ATP2B4: variants seen among roughly 807,000 people sequenced by gnomAD.
ATP2B4 encodes the protein ATPase plasma membrane Ca2+ transporting 4, also known as plasma membrane calcium-transporting ATPase 4.
Under a neutral mutation model 110.3 loss-of-function variants are expected in ATP2B4, and 39 were observed. That is an observed-to-expected ratio of 0.35 (90% CI 0.27 to 0.46). The LOEUF is 0.46. Ranked by LOEUF, ATP2B4 falls within the 20% of genes least tolerant of loss-of-function variation. ATP2B4 has a pLI of 1.00. For synonymous variants in ATP2B4, 538 were observed against 571.7 expected (o/e 0.94, Z 0.84); for missense variants, 1,135 against 1,530.9 (o/e 0.74, Z 4.32).
intron 1 of ATP2B4, chr1:203,657,512 A>T: frequency 1.3e-6 from 1 of 794,220 alleles, no homozygotes; most frequent in South Asian, 1.4e-5. Context: ...GAGTCTTTTC[A>T]TCCTTCTTTT....
Position 203,699,649 on chromosome 1 carries a change from G to A in ATP2B4, c.581G>A (p.Arg194Gln), listed in dbSNP as rs750008040. Residue 194 changes from arginine (R) to glutamine (Q), a missense_variant, in exon 4 of 21, where the codon CGA becomes CAA. This residue lies in a region of ATP2B4 where 101 missense variants were observed against 182.6 expected (regional missense o/e 0.55). Coordinates refer to ENST00000357681, the MANE Select transcript of ATP2B4 (RefSeq NM_001684.5). Reference protein sequence around the residue: ...IEQEQKFSIIRNGQLIQLPVA... With the variant: ...IEQEQKFSIIQNGQLIQLPVA... ...CAGGAGCAAAAGTTCTCCATCATCCGAAACGGTCAACTCATCCAGCTCCCT... is the reference window on the plus strand; with the variant it reads ...CAGGAGCAAAAGTTCTCCATCATCCAAAACGGTCAACTCATCCAGCTCCCT... 6 of 1,614,060 alleles carry A rather than the reference G, an allele frequency of 3.7e-6. No individual in the cohort carries two copies. Among genetic ancestry groups the A allele is most frequent in the Admixed American group, 3.3e-5 (2 of 60,006 alleles).
intron 1 of ATP2B4, among the ~76,000 whole-genome samples, chr1:203,667,974 T>A (rs931050931): frequency 6.6e-6 from 1 of 152,232 alleles, no homozygotes; most frequent in Non-Finnish European, 1.5e-5. Context: ...AAGCTTGCTC[T>A]GGCAATCTTC....
chr1:203,665,054 C>T (rs374117223), intron 1 of ATP2B4, among the ~76,000 whole-genome samples: 5 of 152,252 alleles, frequency 3.3e-5, no homozygotes, highest in Admixed American at 6.5e-5. Context: ...CTCCTGACCT[C>T]GTGATCTGCC....
At chr1:203,725,732 G>T (rs1006423539) in intron 19 of ATP2B4, among the ~76,000 whole-genome samples, 6 of 151,768 alleles carry the variant, frequency 4.0e-5, no homozygotes, top group Non-Finnish European at 2.9e-5. Flanking sequence ...CAGACCCCAG[G>T]TCTCTGCAGA....
At chr1:203,705,924 G>T (rs902310925) in intron 8 of ATP2B4, among the ~76,000 whole-genome samples, 1 of 152,148 alleles carries the variant, frequency 6.6e-6, no homozygotes, top group African/African-American at 2.4e-5. Context: ...AGCAAAGAAC[G>T]GAAGAATTTG....
intron 7 of ATP2B4, among the ~76,000 whole-genome samples, chr1:203,703,164 C>CTAGA (rs928166071): frequency 1.6e-4 from 23 of 145,148 alleles, no homozygotes; most frequent in African/African-American, 5.8e-4. Context: ...CCCTGACAAT[C>CTAGA]GAGAGAGAGA....
At chr1:203,667,935 G>T (rs1321531528) in intron 1 of ATP2B4, among the ~76,000 whole-genome samples, 1 of 152,228 alleles carries the variant, frequency 6.6e-6, no homozygotes. Flanking sequence ...CAGCTGGCCA[G>T]GGTGTGTTAG....
At chr1:203,643,270 A>G (rs1245095390) in intron 1 of ATP2B4, among the ~76,000 whole-genome samples, 1 of 152,200 alleles carries the variant, frequency 6.6e-6, no homozygotes, top group Non-Finnish European at 1.5e-5. Flanking sequence ...CGTGCCCTGC[A>G]TTCCTCCCCT....
intron 20 of ATP2B4, among the ~76,000 whole-genome samples, chr1:203,732,847 G>A (rs1286482577): frequency 6.6e-6 from 1 of 150,830 alleles, no homozygotes; most frequent in Non-Finnish European, 1.5e-5. Context: ...TAAAAACAAC[G>A]AACAATCGCT....
intron 1 of ATP2B4, among the ~76,000 whole-genome samples, chr1:203,650,574 C>G (rs1282986075): frequency 6.6e-6 from 1 of 152,232 alleles, no homozygotes; most frequent in Admixed American, 6.5e-5. Context: ...GCCAGCTGAG[C>G]CCGGCGCCTG....
chr1:203,643,289 C>T (rs1311119070), intron 1 of ATP2B4, among the ~76,000 whole-genome samples: 1 of 152,186 alleles, frequency 6.6e-6, no homozygotes, highest in African/African-American at 2.4e-5. Context: ...CTGGGAGTAG[C>T]GGCTGTAGAA....
chr1:203,728,370 A>C (rs927513778), intron 20 of ATP2B4: 9 of 316,484 alleles, frequency 2.8e-5, no homozygotes, highest in Non-Finnish European at 5.0e-5. Context: ...AGCATTGATA[A>C]TTCTGTCTTC....
intron 2 of ATP2B4, among the ~76,000 whole-genome samples, chr1:203,688,064 C>A (rs1248388899): frequency 6.6e-6 from 1 of 150,552 alleles, no homozygotes; most frequent in Non-Finnish European, 1.5e-5. Flanking sequence ...CACTCTGTCA[C>A]CCAGGCTGGA....
intron 1 of ATP2B4, among the ~76,000 whole-genome samples, chr1:203,640,270 T>A (rs907462701): frequency 2.0e-5 from 3 of 152,314 alleles, no homozygotes; most frequent in Admixed American, 2.0e-4. Flanking sequence ...TTCCCACTCC[T>A]GCTCTCACTG....
chr1:203,664,190 T>C (rs1664434687), intron 1 of ATP2B4, among the ~76,000 whole-genome samples: 1 of 152,224 alleles, frequency 6.6e-6, no homozygotes, highest in African/African-American at 2.4e-5. Flanking sequence ...TACTTAGTCT[T>C]GCTGACACCA....
At chr1:203,717,397 T>C (rs1402219408) in intron 15 of ATP2B4, among the ~76,000 whole-genome samples, 1 of 152,090 alleles carries the variant, frequency 6.6e-6, no homozygotes, top group African/African-American at 2.4e-5. Context: ...TTTAAGTATA[T>C]TTGATGTGTT....
chr1:203,658,183 A>G (rs1021727619), intron 1 of ATP2B4, among the ~76,000 whole-genome samples: 5 of 152,086 alleles, frequency 3.3e-5, no homozygotes, highest in African/African-American at 9.7e-5. Flanking sequence ...CGTACCTGCA[A>G]TGTCTCCAAG....
chr1:203,659,437 G>A (rs1015415667), intron 1 of ATP2B4, among the ~76,000 whole-genome samples: 5 of 152,188 alleles, frequency 3.3e-5, no homozygotes, highest in East Asian at 1.9e-4. Flanking sequence ...GGGAGGCAGA[G>A]GTGGGAGGAT....
At chr1:203,678,588 G>C (rs1174893409) in intron 1 of ATP2B4, among the ~76,000 whole-genome samples, 2 of 152,004 alleles carry the variant, frequency 1.3e-5, no homozygotes, top group Admixed American at 6.6e-5. Context: ...ATTTTTTGTA[G>C]AGACAGGGTT....
Sources: gnomAD v4.1 joint callset for allele counts (sites outside exome capture counted in the v4.1 genomes callset) on GRCh38, gnomAD v4.1.1 for gene constraint, gnomAD v4.1.1 regional missense constraint, MANE v1.5 for transcripts, NCBI Gene and HGNC (gene_info 2026-07-23, HGNC 2026-07-21) for gene names.